Variants in WDR19 observed in about 807,000 individuals in gnomAD.
WDR19 encodes the protein WD repeat-containing protein 19.
A neutral mutation model predicts 180.0 loss-of-function variants in WDR19; 121 were observed. That is an observed-to-expected ratio of 0.67 (90% CI 0.58 to 0.78). WDR19 has a LOEUF of 0.78. WDR19 is among the 30% of genes least tolerant of loss of function. The probability of loss-of-function intolerance (pLI) is 0.00; values close to 1 mark genes in which losing one functional copy is unlikely to be tolerated. For synonymous variants in WDR19, 497 were observed against 540.7 expected (o/e 0.92, Z 1.12); for missense variants, 1,450 against 1,640.7 (o/e 0.88, Z 2.01).
chr4:39,260,993 T>A (rs1234217621), intron 28 of WDR19, among the ~76,000 whole-genome samples: 1 of 152,076 alleles, frequency 6.6e-6, no homozygotes, highest in Non-Finnish European at 1.5e-5. Context: ...CATATTTTTT[T>A]GGTCTCTTTT....
intron 7 of WDR19, among the ~76,000 whole-genome samples, 183 bp downstream of exon 7, chr4:39,203,905 G>A (rs1727629365): frequency 1.3e-5 from 2 of 152,128 alleles, no homozygotes; most frequent in Non-Finnish European, 2.9e-5. Context: ...TGACTACCTG[G>A]CATTACAGCA....
intron 1 of WDR19, among the ~76,000 whole-genome samples, chr4:39,182,910 C>T (rs992484288): frequency 6.6e-6 from 1 of 152,086 alleles, no homozygotes; most frequent in African/African-American, 2.4e-5. Flanking sequence ...CGAGTTAACG[C>T]GTTTGGAGGG....
intron 20 of WDR19, among the ~76,000 whole-genome samples, chr4:39,236,816 T>G (rs1039061179): frequency 2.6e-5 from 4 of 152,184 alleles, no homozygotes. Context: ...CTGAGAAATT[T>G]AGAATTTTCT....
In WDR19 at chr4:39,274,940, A is replaced by G. The variant is rs1182226412; in HGVS notation, c.3698A>G (p.Lys1233Arg). The G allele has an allele frequency of 1.2e-6, 2 of 1,613,950 alleles. No homozygotes were observed. Among genetic ancestry groups the G allele is most frequent in the African/African-American group, 2.7e-5 (2 of 74,950 alleles). The stretch of plus-strand genomic sequence containing the variant: ...AAAATAGATGCCAAATACAAAAAGA[A>G]GATCGAGGGAATGGTCAGGTAGGCA... ...RSKIDAKYKK[K>R]IEGMVRRPDI... Residue 1233 changes from lysine to arginine, a missense_variant, in exon 33 of 37, where the codon AAG (lysine) becomes AGG (arginine). Coordinates refer to ENST00000399820, the MANE Select transcript of WDR19 (RefSeq NM_025132.4).
chr4:39,226,779 T>A (rs1329707430), intron 15 of WDR19, among the ~76,000 whole-genome samples: 1 of 152,208 alleles, frequency 6.6e-6, no homozygotes, highest in Non-Finnish European at 1.5e-5. Context: ...GTGAACCAAA[T>A]ATGTAATTAA....
At chr4:39,251,656 A>C (rs1240483174) in intron 24 of WDR19, among the ~76,000 whole-genome samples, 25 of 152,158 alleles carry the variant, frequency 1.6e-4, no homozygotes, top group Non-Finnish European at 7.4e-5. Context: ...AACTCAAACA[A>C]ATTTACAAGA....
In WDR19 at chr4:39,257,563, G is replaced by A. The variant is rs138318063; in HGVS notation, c.3183+9G>A. 4.5e-4 allele frequency: 702 copies of A among 1,568,980 alleles called. 4 individuals are homozygous for A. The African/African-American group carries it at 8.0e-3, about 18-fold the overall frequency. On this transcript the variant is annotated intron_variant, in intron 28 of 36. Transcript: ENST00000399820. Reference sequence around the variant, plus strand: ...AAATGGCAATTGAAACTGTAAGTACGCTTTCAATGAAACTTTCAATAATGC... The same window carrying A: ...AAATGGCAATTGAAACTGTAAGTACACTTTCAATGAAACTTTCAATAATGC...
intron 6 of WDR19, among the ~76,000 whole-genome samples, chr4:39,202,217 A>T (rs894491318): frequency 7.9e-5 from 12 of 152,078 alleles, no homozygotes; most frequent in Non-Finnish European, 1.5e-4. Context: ...ATCACTCTGC[A>T]ACCTTTTGGA....
At chr4:39,233,746 C>A (rs181484172) in intron 19 of WDR19, among the ~76,000 whole-genome samples, 142 of 151,828 alleles carry the variant, frequency 9.4e-4, no homozygotes, top group African/African-American at 3.2e-3. Flanking sequence ...ATTGGGACAC[C>A]CTGAGAAGTT....
At chr4:39,196,965 C>T (rs773674195) in intron 5 of WDR19, among the ~76,000 whole-genome samples, 6 of 152,176 alleles carry the variant, frequency 3.9e-5, no homozygotes, top group Admixed American at 6.5e-5. Context: ...TTTGAGGGTA[C>T]GAAGAATAAA....
intron 15 of WDR19, among the ~76,000 whole-genome samples, chr4:39,226,739 G>T (rs1266298582): frequency 6.6e-6 from 1 of 152,166 alleles, no homozygotes; most frequent in Non-Finnish European, 1.5e-5. Flanking sequence ...ACAATATCTT[G>T]TAAGTAGCAC....
At chr4:39,235,794 A>G (rs1333477249) in intron 20 of WDR19, among the ~76,000 whole-genome samples, 1 of 152,188 alleles carries the variant, frequency 6.6e-6, no homozygotes, top group African/African-American at 2.4e-5. Context: ...ACAAGAAAAA[A>G]AAAATAACCT....
intron 17 of WDR19, among the ~76,000 whole-genome samples, chr4:39,231,492 C>T (rs1046956403): frequency 4.0e-5 from 6 of 151,590 alleles, no homozygotes; most frequent in Admixed American, 3.3e-4. Flanking sequence ...TATATGAGAA[C>T]AAAAATAATA....
intron 28 of WDR19, among the ~76,000 whole-genome samples, chr4:39,259,031 G>T (rs943308131): frequency 2.6e-5 from 4 of 152,236 alleles, no homozygotes; most frequent in African/African-American, 9.6e-5. Context: ...CTGTGCCATT[G>T]CACTCCAGCC....
At chr4:39,206,780 A>G (rs1158096620) in intron 9 of WDR19, among the ~76,000 whole-genome samples, 1 of 152,246 alleles carries the variant, frequency 6.6e-6, no homozygotes, top group Admixed American at 6.5e-5. Flanking sequence ...ATAGAGGGAC[A>G]TATCTGAATA....
intron 6 of WDR19, among the ~76,000 whole-genome samples, chr4:39,201,836 T>C (rs540265298): frequency 1.4e-4 from 21 of 152,314 alleles, no homozygotes; most frequent in African/African-American, 4.8e-4. Context: ...ATAACTGTTT[T>C]TCATTTCTAA....
At chr4:39,247,334 C>G (rs1292135932) in intron 24 of WDR19, among the ~76,000 whole-genome samples, 1 of 152,046 alleles carries the variant, frequency 6.6e-6, no homozygotes, top group African/African-American at 2.4e-5. Flanking sequence ...GAAAGGACAT[C>G]CACACCAAAA....
At chr4:39,199,448 A>T in intron 5 of WDR19, 30 bp from the exon 6 acceptor site, 1 of 1,560,094 alleles carries the variant, frequency 6.4e-7, no homozygotes, top group South Asian at 1.1e-5. Flanking sequence ...AGAAATCCAC[A>T]TGTCTGTATA....
At chr4:39,210,090 A>G (rs1728337206) in intron 9 of WDR19, among the ~76,000 whole-genome samples, 1 of 152,224 alleles carries the variant, frequency 6.6e-6, no homozygotes, top group Non-Finnish European at 1.5e-5. Flanking sequence ...AATTCTGCCA[A>G]ACACTTGAGA....
Sources: allele counts gnomAD v4.1 joint callset (sites outside exome capture counted in the v4.1 genomes callset), GRCh38; gene constraint gnomAD v4.1.1; transcripts MANE v1.5; gene names NCBI Gene and HGNC (gene_info 2026-07-23, HGNC 2026-07-21).